The following NT5E variants were observed in gnomAD, a reference collection of about 807,000 sequenced individuals.
NT5E encodes the protein 5'-nucleotidase.
Under a neutral mutation model 55.1 loss-of-function variants are expected in NT5E, and 53 were observed. The observed-to-expected ratio is 0.96, with a 90% CI of 0.77 to 1.21. The LOEUF (loss-of-function observed/expected upper bound fraction) is 1.21. Among genes scored for constraint, NT5E ranks in the 50% most tolerant of loss-of-function variants. The pLI is 0.00. For missense variants in NT5E, 683 were observed against 724.3 expected (o/e 0.94, Z 0.65); for synonymous variants, 270 against 278.4 (o/e 0.97, Z 0.30).
intron 4 of NT5E, among the ~76,000 whole-genome samples, chr6:85,485,969 A>G (rs1467599582): frequency 2.0e-5 from 3 of 152,168 alleles, no homozygotes; most frequent in East Asian, 1.9e-4. Flanking sequence ...GAAATAATAG[A>G]CACACACAAG....
intron 1 of NT5E, among the ~76,000 whole-genome samples, chr6:85,457,983 TAGA>T (rs1276947575): frequency 1.3e-5 from 2 of 152,168 alleles, no homozygotes; most frequent in Non-Finnish European, 1.5e-5. Flanking sequence ...ATCTGGTCTG[TAGA>T]AGAAGACACA....
At chr6:85,489,733 A>G in intron 6 of NT5E, 134 bp downstream of exon 6, 1 of 718,754 alleles carries the variant, frequency 1.4e-6, no homozygotes, top group Non-Finnish European at 2.5e-6. Flanking sequence ...CCAGAATGTC[A>G]GTCCTTTAAA....
chr6:85,454,475 TCTC>T (rs1768950979), intron 1 of NT5E, among the ~76,000 whole-genome samples: 1 of 152,210 alleles, frequency 6.6e-6, no homozygotes, highest in Non-Finnish European at 1.5e-5. Flanking sequence ...AGCTTCCTCT[TCTC>T]TAATTGCTTA....
At chr6:85,481,169 A>G (rs555559844) in intron 3 of NT5E, among the ~76,000 whole-genome samples, 22 of 152,340 alleles carry the variant, frequency 1.4e-4, no homozygotes, top group African/African-American at 5.1e-4. Context: ...ATGCTAGGCA[A>G]ATTCTAGAGA....
chr6:85,473,837 G>A (rs193035591), intron 3 of NT5E, among the ~76,000 whole-genome samples: 1 of 152,268 alleles, frequency 6.6e-6, no homozygotes, highest in African/African-American at 2.4e-5. Flanking sequence ...ACACTCAAAG[G>A]AGTTTCATCC....
chr6:85,452,932 C>T (rs556325674), intron 1 of NT5E, among the ~76,000 whole-genome samples: 4 of 152,212 alleles, frequency 2.6e-5, no homozygotes, highest in South Asian at 4.2e-4. Context: ...TTCAAAGGAG[C>T]CACATAAAAG....
At chr6:85,492,285 C>T (rs1769802623) in intron 8 of NT5E, 108 bp downstream of exon 8, 1 of 957,070 alleles carries the variant, frequency 1.0e-6, no homozygotes, top group African/African-American at 1.6e-5. Flanking sequence ...ATTGCTGACT[C>T]CCTCCTGCTT....
intron 4 of NT5E, 123 bp downstream of exon 4, chr6:85,485,555 T>A: frequency 9.9e-7 from 1 of 1,014,208 alleles, no homozygotes; most frequent in Non-Finnish European, 1.5e-6. Context: ...AAGAATTTAG[T>A]TTCTTCCTTG....
intron 1 of NT5E, among the ~76,000 whole-genome samples, chr6:85,453,604 G>A (rs151201419): frequency 2.0e-4 from 30 of 152,334 alleles, no homozygotes; most frequent in African/African-American, 7.0e-4. Flanking sequence ...AAGACAGGCT[G>A]TGGGGAAGGT....
chr6:85,453,571 C>T (rs1221270931), intron 1 of NT5E, among the ~76,000 whole-genome samples: 2 of 152,212 alleles, frequency 1.3e-5, no homozygotes, highest in Non-Finnish European at 2.9e-5. Context: ...AAGGTATCCA[C>T]CTCCAGAGGT....
chr6:85,462,263 C>A (rs767350402), intron 1 of NT5E, among the ~76,000 whole-genome samples: 12 of 152,162 alleles, frequency 7.9e-5, no homozygotes, highest in Non-Finnish European at 1.3e-4. Flanking sequence ...TCCAAGCACC[C>A]CCGGACTGCC....
chr6:85,492,073 C>G lies in NT5E; in HGVS notation c.1457C>G (p.Pro486Arg). The stretch of plus-strand genomic sequence containing the variant: ...AAGTGTCGAGTGCCCAGTTATGACC[C>G]TCTCAAAATGGACGAGGTATATAAG... ...CTKCRVPSYD[P>R]LKMDEVYKVI... Residue 486 changes from proline (P) to arginine (R), a missense_variant, in exon 8 of 9, where the codon CCT becomes CGT. By Grantham distance (103) the Pro-to-Arg change is moderately radical. Transcript: ENST00000257770. 1 of 1,614,116 alleles carries G rather than the reference C, an allele frequency of 6.2e-7. No individual in the cohort carries two copies. The highest frequency in any genetic ancestry group is 8.5e-7 in the Non-Finnish European group (1 of 1,179,980).
rs774657205 is a variant in NT5E at position 85,471,325 on chromosome 6, A to G, written c.651A>G (p.Ala217=). Residue 217 remains alanine, a synonymous_variant, in exon 3 of 9, where the codon GCA becomes GCG. Transcript: ENST00000257770. ...LKTLNVNKII[A]LGHSGFEMDK... ...CTCTAAATGTGAACAAAATTATTGC[A>G]CTGGGACATTCGGGTTTTGAAATGG... 6.2e-7 allele frequency: 1 copy of G among 1,613,312 alleles called. No homozygotes were observed. Among genetic ancestry groups the G allele is most frequent in the Non-Finnish European group, 8.5e-7 (1 of 1,179,406 alleles).
At chr6:85,456,347 C>T (rs532178839) in intron 1 of NT5E, among the ~76,000 whole-genome samples, 1 of 152,258 alleles carries the variant, frequency 6.6e-6, no homozygotes, top group South Asian at 2.1e-4. Flanking sequence ...CTCGTTCTAG[C>T]CAATTATCAA....
chr6:85,468,072 GA>G (rs1391994961), intron 2 of NT5E, among the ~76,000 whole-genome samples: 1 of 151,748 alleles, frequency 6.6e-6, no homozygotes, highest in African/African-American at 2.4e-5. Context: ...CATATTTGAA[GA>G]AAAAAAGGGA....
At chr6:85,452,771 T>C (rs1448332347) in intron 1 of NT5E, among the ~76,000 whole-genome samples, 1 of 152,186 alleles carries the variant, frequency 6.6e-6, no homozygotes, top group African/African-American at 2.4e-5. Flanking sequence ...TATATTATAC[T>C]AACCCTCAGA....
rs1769305491 is a variant in NT5E at position 85,471,423 on chromosome 6, C to G, written c.749C>G (p.Thr250Arg). The change falls in exon 3 of 9, where the codon ACA becomes AGA. Residue 250 changes from threonine to arginine, a missense_variant and splice_region_variant. Physicochemically the swap from Thr to Arg is moderately conservative, Grantham distance 71 (BLOSUM62 -1). Coordinates refer to ENST00000257770, the MANE Select transcript of NT5E (RefSeq NM_002526.4). ...VGGHSNTFLYTGNPPSKEVPA... is the reference protein window; with the variant it reads ...VGGHSNTFLYRGNPPSKEVPA... ...GGACACTCCAACACATTTCTTTACA[C>G]AGGTAATTGTTTCAAAAGGATTGCA... 1 of 1,611,894 alleles carries G rather than the reference C, an allele frequency of 6.2e-7. No individual in the cohort carries two copies. Among genetic ancestry groups the G allele is most frequent in the African/African-American group, 1.3e-5 (1 of 75,000 alleles).
In NT5E at chr6:85,485,366, G is replaced by C. The variant is rs1769629963; in HGVS notation, c.883G>C (p.Asp295His). ...CCTAGGCTATCTGAAGATCGAGTTTGATGAAAGAGGAAACGTCATCTCTTC... is the reference window on the plus strand; with the variant it reads ...CCTAGGCTATCTGAAGATCGAGTTTCATGAAAGAGGAAACGTCATCTCTTC... Reference protein sequence around the residue: ...KYLGYLKIEFDERGNVISSHG... With the variant: ...KYLGYLKIEFHERGNVISSHG... Residue 295 changes from aspartate (D) to histidine (H), a missense_variant, in exon 4 of 9, where the codon GAT (aspartate) becomes CAT (histidine). Physicochemically the swap from Asp to His is moderately conservative, Grantham distance 81. Transcript: ENST00000257770. 1.2e-6 allele frequency: 2 copies of C among 1,614,176 alleles called. No individual in the cohort carries two copies. The highest frequency in any genetic ancestry group is 8.5e-7 in the Non-Finnish European group (1 of 1,180,026).
intron 3 of NT5E, among the ~76,000 whole-genome samples, chr6:85,479,991 G>A (rs1454708515): frequency 5.9e-5 from 9 of 151,878 alleles, no homozygotes; most frequent in South Asian, 2.1e-4. Context: ...GTATTTGCTC[G>A]CTTTCCCTAC....
Sources: allele counts gnomAD v4.1 joint callset (sites outside exome capture counted in the v4.1 genomes callset), GRCh38; gene constraint gnomAD v4.1.1; transcripts MANE v1.5; gene names NCBI Gene and HGNC (gene_info 2026-07-23, HGNC 2026-07-21).